The following LRRC4C variants were observed in gnomAD, a reference collection of about 807,000 sequenced individuals.
LRRC4C encodes leucine rich repeat containing 4C, also known as leucine-rich repeat-containing protein 4C.
Under a neutral mutation model 33.6 loss-of-function variants are expected in LRRC4C, and 5 were observed. The ratio of observed to expected loss-of-function variants is 0.15; its 90% CI spans 0.08 to 0.31. LRRC4C has a LOEUF of 0.31. Among genes scored for constraint, LRRC4C ranks in the 10% least tolerant of loss-of-function variants. LRRC4C has a pLI of 1.00. For missense variants in LRRC4C, 560 were observed against 796.7 expected (o/e 0.70, Z 3.58); for synonymous variants, 329 against 302.0 (o/e 1.09, Z -0.93).
chr11:40,775,319 G>T (rs904774973), intron 2 of LRRC4C, among the ~76,000 whole-genome samples: 1 of 151,924 alleles, frequency 6.6e-6, no homozygotes, highest in Non-Finnish European at 1.5e-5. Context: ...CTGAGGCAGG[G>T]GAATGGCGTG....
intron 3 of LRRC4C, among the ~76,000 whole-genome samples, chr11:40,620,824 T>C (rs544022824): frequency 6.6e-6 from 1 of 151,926 alleles, no homozygotes; most frequent in South Asian, 2.1e-4. Context: ...TTTTCATTGG[T>C]AGGGAAAGTA....
chr11:41,057,566 G>A (rs1858722028), intron 1 of LRRC4C, among the ~76,000 whole-genome samples: 1 of 152,164 alleles, frequency 6.6e-6, no homozygotes, highest in Non-Finnish European at 1.5e-5. Context: ...GCCTTTTCTG[G>A]GCCTGCCCAT....
chr11:40,616,343 T>G (rs1961826124), intron 3 of LRRC4C, among the ~76,000 whole-genome samples: 1 of 151,900 alleles, frequency 6.6e-6, no homozygotes, highest in South Asian at 2.1e-4. Flanking sequence ...ATTGTGGAAG[T>G]CAGTGTGGTG....
intron 1 of LRRC4C, among the ~76,000 whole-genome samples, chr11:41,144,338 G>T (rs1019819024): frequency 2.6e-5 from 4 of 152,156 alleles, no homozygotes; most frequent in Non-Finnish European, 5.9e-5. Context: ...CTTCAGTTTA[G>T]AATACAAGGA....
intron 4 of LRRC4C, among the ~76,000 whole-genome samples, chr11:40,300,586 C>G (rs1309131111): frequency 1.3e-5 from 2 of 152,144 alleles, no homozygotes; most frequent in South Asian, 4.1e-4. Flanking sequence ...TCCAGGATCC[C>G]AGCAGACTGC....
intron 2 of LRRC4C, among the ~76,000 whole-genome samples, chr11:40,880,239 G>A (rs1955101148): frequency 6.6e-6 from 1 of 152,042 alleles, no homozygotes; most frequent in South Asian, 2.1e-4. Context: ...GTACCAATAA[G>A]CTGAGTCCAG....
rs563328560 is a variant in LRRC4C, at chr11:41,285,427, A to AT, written c.-496+174003dup. Among the ~76,000 whole-genome samples, 195 of 152,362 alleles carry AT rather than the reference A, an allele frequency of 1.3e-3. 1 individual carries two copies. The highest frequency in any genetic ancestry group is 3.4e-3 in the Middle Eastern group (1 of 294). The stretch of plus-strand genomic sequence containing the variant: ...TGTTTAGGCAGATGCTAAGCAAGAT[A>AT]TTGATTATTAAAAATTTGAGATATT... On this transcript the variant is annotated intron_variant, in intron 1 of 6. Transcript: ENST00000528697.
At chr11:40,191,699 G>T (rs1333038935) in intron 5 of LRRC4C, among the ~76,000 whole-genome samples, 2 of 152,190 alleles carry the variant, frequency 1.3e-5, no homozygotes, top group Non-Finnish European at 2.9e-5. Context: ...AGAGGCTCTT[G>T]CCTGTCATCC....
chr11:40,238,547 A>G (rs1310513068), intron 5 of LRRC4C, among the ~76,000 whole-genome samples: 1 of 152,192 alleles, frequency 6.6e-6, no homozygotes, highest in East Asian at 1.9e-4. Flanking sequence ...AGCACAGCAT[A>G]TCAAAGGAAA....
At chr11:40,975,969 A>C (rs866831700) in intron 1 of LRRC4C, among the ~76,000 whole-genome samples, 1 of 152,210 alleles carries the variant, frequency 6.6e-6, no homozygotes, top group Non-Finnish European at 1.5e-5. Flanking sequence ...TTAGTTTCAA[A>C]AGGAAAAATA....
At chr11:40,170,961 A>G (rs763739812) in intron 5 of LRRC4C, among the ~76,000 whole-genome samples, 43 of 152,206 alleles carry the variant, frequency 2.8e-4, no homozygotes, top group Admixed American at 1.2e-3. Flanking sequence ...GGGAAGGCAT[A>G]TAATATGTAG....
chr11:40,575,205 G>C (rs1958141032), intron 3 of LRRC4C, among the ~76,000 whole-genome samples: 1 of 152,128 alleles, frequency 6.6e-6, no homozygotes, highest in African/African-American at 2.4e-5. Flanking sequence ...GTGAGTGAAA[G>C]AGAAAGAGCA....
At chr11:40,684,317 A>G (rs1246297080) in intron 2 of LRRC4C, among the ~76,000 whole-genome samples, 1 of 152,110 alleles carries the variant, frequency 6.6e-6, no homozygotes. Flanking sequence ...AAGTTTGAAA[A>G]GTACAATCAC....
At chr11:40,563,051 C>T (rs1291147309) in intron 3 of LRRC4C, among the ~76,000 whole-genome samples, 3 of 151,956 alleles carry the variant, frequency 2.0e-5, no homozygotes, top group African/African-American at 2.4e-5. Context: ...AGGTACTTTC[C>T]GCAGTAAATA....
intron 3 of LRRC4C, among the ~76,000 whole-genome samples, chr11:40,581,432 C>G (rs1958459387): frequency 6.6e-6 from 1 of 152,274 alleles, no homozygotes; most frequent in East Asian, 1.9e-4. Context: ...TATTTTAAAC[C>G]TCGCTCATGT....
intron 3 of LRRC4C, among the ~76,000 whole-genome samples, chr11:40,646,430 CAT>C (rs1215780955): frequency 7.2e-5 from 11 of 152,266 alleles, no homozygotes; most frequent in African/African-American, 2.6e-4. Context: ...CCAGCCCACA[CAT>C]GTTGCCAGAA....
At chr11:40,552,876 G>C (rs1344760067) in intron 3 of LRRC4C, among the ~76,000 whole-genome samples, 2 of 152,096 alleles carry the variant, frequency 1.3e-5, no homozygotes, top group Admixed American at 1.3e-4. Context: ...AGCCAACAAA[G>C]CTTCTGAGAT....
At chr11:40,190,922 C>A (rs182962996) in intron 5 of LRRC4C, among the ~76,000 whole-genome samples, 3 of 152,282 alleles carry the variant, frequency 2.0e-5, no homozygotes, top group East Asian at 1.9e-4. Flanking sequence ...AAGCTTACAG[C>A]AAAGGGAGCT....
intron 2 of LRRC4C, among the ~76,000 whole-genome samples, chr11:40,695,308 T>G (rs1000513518): frequency 1.3e-5 from 2 of 152,180 alleles, no homozygotes; most frequent in African/African-American, 2.4e-5. Context: ...TTTTTACCCA[T>G]CCCTCTGACA....
Sources: allele counts gnomAD v4.1 joint callset (sites outside exome capture counted in the v4.1 genomes callset), GRCh38; gene constraint gnomAD v4.1.1; transcripts MANE v1.5; gene names NCBI Gene and HGNC (gene_info 2026-07-23, HGNC 2026-07-21).